Variants in MATR3 observed in about 807,000 individuals in gnomAD.
The protein encoded by MATR3 is matrin 3.
MATR3 carries 4 observed loss-of-function variants against 85.5 expected under a neutral mutation model. That is an observed-to-expected ratio of 0.05 (90% CI 0.02 to 0.11). MATR3 has a LOEUF of 0.11. Among genes scored for constraint, MATR3 ranks in the 10% least tolerant of loss-of-function variants. The pLI, the probability that MATR3 is intolerant of heterozygous loss-of-function variation, is 1.00. For synonymous variants in MATR3, 336 were observed against 343.1 expected (o/e 0.98, Z 0.23); for missense variants, 685 against 1,016.1 (o/e 0.67, Z 4.43).
chr5:139,310,065 TC>T (rs1411754316), intron 2 of MATR3: 1 of 152,200 alleles, frequency 6.6e-6, no homozygotes. Flanking sequence ...TGAGAGGACT[TC>T]GAGAAAAGTT....
intron 9 of MATR3, among the ~76,000 whole-genome samples, chr5:139,320,205 A>T (rs1755484912): frequency 1.3e-5 from 2 of 151,556 alleles, no homozygotes; most frequent in South Asian, 4.2e-4. Flanking sequence ...GCTGTTGGGG[A>T]GGCTGAGGCA....
rs1756018826 is a variant in MATR3 at position 139,329,411 on chromosome 5, T to G, written c.*16T>G. On this transcript the variant is annotated 3_prime_UTR_variant, in exon 15 of 15. Transcript: ENST00000394805. ...GGAAACTTAAGATGTGCAAGGAGAT[T>G]TAATGATTTCAAAGAAAATAATGGT... 1.2e-6 allele frequency: 2 copies of G among 1,602,950 alleles called. No individual in the cohort carries two copies. Among genetic ancestry groups the G allele is most frequent in the Admixed American group, 1.7e-5 (1 of 59,944 alleles).
chr5:139,325,542 G>A lies in MATR3; in HGVS notation c.2251G>A (p.Ala751Thr), dbSNP rs774158046. 2.7e-5 allele frequency: 43 copies of A among 1,614,036 alleles called. No individual in the cohort carries two copies. Among genetic ancestry groups the A allele is most frequent in the Non-Finnish European group, 3.3e-5 (39 of 1,180,030 alleles). The change falls in exon 13 of 15, where the codon GCT becomes ACT. Residue 751 changes from alanine (A) to threonine (T), a missense_variant. Coordinates refer to ENST00000394805, the MANE Select transcript of MATR3 (RefSeq NM_018834.6). ...TEPGAESSEN[A>T]DDPNKDTSEN... Reference sequence around the variant, plus strand: ...ACCAGGTGCTGAATCTTCTGAGAACGCTGATGATCCCAACAAAGATACAAG... The same window carrying A: ...ACCAGGTGCTGAATCTTCTGAGAACACTGATGATCCCAACAAAGATACAAG...
intron 1 of MATR3, among the ~76,000 whole-genome samples, chr5:139,275,142 ATTTTT>A (rs750841386): frequency 8.3e-4 from 34 of 40,912 alleles, no homozygotes; most frequent in African/African-American, 2.6e-3. Flanking sequence ...CGCCCGGCTA[ATTTTT>A]TTTTTTTTTT....
rs1051120394 is a variant in MATR3 at position 139,322,396 on chromosome 5, TATTA to T, written c.1735-63_1735-60del. ...GTTGATTATAGGGATTGTCTCCAAT[TATTA>T]ATTCACTGGATAATTGTGTATTCTG... On this transcript the variant is annotated intron_variant, in intron 10 of 14. Coordinates refer to ENST00000394805, the MANE Select transcript of MATR3 (RefSeq NM_018834.6). The T allele has an allele frequency of 2.1e-6, 3 of 1,398,662 alleles. No individual in the cohort carries two copies. In the African/African-American group the frequency reaches 4.2e-5, roughly 20 times the overall value. 86.6% of individuals were successfully genotyped at this position (1,398,662 alleles called of 1,614,324 possible). A position where few individuals can be genotyped will look rare whatever the true frequency, so the allele number is the denominator to read the frequency against.
chr5:139,289,987 C>T (rs778207928), upstream of MATR3, among the ~76,000 whole-genome samples: 29 of 152,122 alleles, frequency 1.9e-4, no homozygotes, highest in Non-Finnish European at 3.8e-4. Flanking sequence ...ATCACTTTGT[C>T]CTTGAAGTAT....
At chr5:139,304,813 A>ATC (rs1363992633) in intron 1 of MATR3, among the ~76,000 whole-genome samples, 1 of 152,198 alleles carries the variant, frequency 6.6e-6, no homozygotes, top group Non-Finnish European at 1.5e-5. Flanking sequence ...TCTTTTGTAA[A>ATC]TCTTTAGTAA....
In MATR3 at chr5:139,329,459, T is replaced by C. The variant is rs755822163; in HGVS notation, c.*64T>C. 6.9e-6 allele frequency: 9 copies of C among 1,309,474 alleles called. No homozygotes were observed. Among genetic ancestry groups the C allele is most frequent in the Non-Finnish European group, 3.3e-6 (3 of 908,426 alleles). 81.1% of individuals were successfully genotyped at this position (1,309,474 alleles called of 1,614,324 possible). On this transcript the variant is annotated 3_prime_UTR_variant, in exon 15 of 15. Transcript: ENST00000394805. Reference sequence around the variant, plus strand: ...GGTTCTTTGTTTTTAATGTTAACCTTTTTTAAATACAATACTGATAGTTAG... The same window carrying C: ...GGTTCTTTGTTTTTAATGTTAACCTCTTTTAAATACAATACTGATAGTTAG...
chr5:139,313,930 TTTTGTTTTGA>T (rs1755122188), intron 2 of MATR3: 1 of 152,320 alleles, frequency 6.6e-6, no homozygotes. Flanking sequence ...TTTTGTTTTG[TTTTGTTTTGA>T]GACGGAGTCT....
intron 14 of MATR3, 39 bp from the exon 15 acceptor site, chr5:139,329,306 C>T (rs1178240334): frequency 1.4e-6 from 2 of 1,465,580 alleles, no homozygotes; most frequent in South Asian, 1.1e-5. Flanking sequence ...CTGCATTTCT[C>T]TTAGGTGACT....
At chr5:139,325,261 T>C in intron 12 of MATR3, 179 bp from the exon 13 acceptor site, 1 of 1,549,762 alleles carries the variant, frequency 6.5e-7, no homozygotes. Flanking sequence ...TGCTGCAGGA[T>C]AATTGTTGCA....
chr5:139,307,970 A>T lies in MATR3; in HGVS notation c.555A>T (p.Arg185Ser). ...RDDWEEKRHF[R>S]RDSFDDRGPS... Reference sequence around the variant, plus strand: ...ATTGGGAAGAAAAAAGGCACTTTAGAAGAGATAGTTTTGATGATCGTGGTC... The same window carrying T: ...ATTGGGAAGAAAAAAGGCACTTTAGTAGAGATAGTTTTGATGATCGTGGTC... Residue 185 changes from arginine (R) to serine (S), a missense_variant, in exon 2 of 15, where the codon AGA becomes AGT. By Grantham distance (110) the Arg-to-Ser change is moderately radical. Around this residue, in one of 9 missense-constraint regions of MATR3, gnomAD observed 223 missense variants for 334.4 expected, o/e 0.67. Coordinates refer to ENST00000394805, the MANE Select transcript of MATR3 (RefSeq NM_018834.6). The surrounding 1 kb of genome is among the most constrained non-coding windows in gnomAD (Gnocchi z 4.4). 6.2e-7 allele frequency: 1 copy of T among 1,614,162 alleles called. No individual in the cohort carries two copies. Among genetic ancestry groups the T allele is most frequent in the Non-Finnish European group, 8.5e-7 (1 of 1,180,022 alleles).
At chr5:139,325,693 C>T (rs1380169337) in intron 13 of MATR3, 31 bp downstream of exon 13, 3 of 1,559,648 alleles carry the variant, frequency 1.9e-6, no homozygotes, top group African/African-American at 2.7e-5. Context: ...CTTCACCTTC[C>T]TCACTCTCCT....
At chr5:139,296,171 A>T in intron 1 of MATR3, among the ~76,000 whole-genome samples, 1 of 152,334 alleles carries the variant, frequency 6.6e-6, no homozygotes, top group East Asian at 1.9e-4. Context: ...TATAAATTTA[A>T]TATCAGTTAT....
chr5:139,296,619 G>C (rs1021253033), intron 1 of MATR3, among the ~76,000 whole-genome samples: 2 of 152,178 alleles, frequency 1.3e-5, no homozygotes, highest in African/African-American at 2.4e-5. Flanking sequence ...GAAAAGTACT[G>C]AGAAGTGACA....
intron 2 of MATR3, chr5:139,278,333 T>C (rs1252475521): frequency 4.4e-6 from 2 of 454,040 alleles, no homozygotes; most frequent in East Asian, 1.4e-4. Flanking sequence ...TTAGGATGAC[T>C]TGAAAGTAGG....
In MATR3 at chr5:139,331,027, G is replaced by A. The variant is rs1041037791; in HGVS notation, c.*1632G>A. 1 of 453,976 alleles carries A rather than the reference G, an allele frequency of 2.2e-6. No individual in the cohort carries two copies. The highest frequency in any genetic ancestry group is 4.4e-6 in the Non-Finnish European group (1 of 226,808). The allele number at this position is 453,976 out of a possible 1,614,324, so 28.1% of individuals were successfully genotyped here. On this transcript the variant is annotated 3_prime_UTR_variant, in exon 15 of 15. Transcript: ENST00000394805. ...GTTGATCTTGAATTCCTGGGCCCAA[G>A]TGATCTGCTCGCTTCAGCCTCCCAA... is the stretch of plus-strand genomic sequence containing the variant.
At chr5:139,276,421 C>A in intron 2 of MATR3, 1 of 325,698 alleles carries the variant, frequency 3.1e-6, no homozygotes, top group Non-Finnish European at 6.1e-6. Context: ...GTAACACTAA[C>A]GATAACTGAT....
intron 9 of MATR3, among the ~76,000 whole-genome samples, chr5:139,321,008 G>A (rs1250686421): frequency 3.3e-5 from 5 of 150,462 alleles, no homozygotes; most frequent in Non-Finnish European, 5.9e-5. Context: ...CGCCCGTCTC[G>A]GCCTCCCAAA....
Sources: allele counts gnomAD v4.1 joint callset (sites outside exome capture counted in the v4.1 genomes callset), GRCh38; gene constraint gnomAD v4.1.1; regional missense constraint gnomAD v4.1.1; non-coding constraint Gnocchi (gnomAD v3.1); transcripts MANE v1.5; gene names NCBI Gene and HGNC (gene_info 2026-07-23, HGNC 2026-07-21).